The following AOPEP variants were observed in gnomAD, a reference collection of about 807,000 sequenced individuals.
AOPEP encodes the protein aminopeptidase O (putative).
Under a neutral mutation model 98.1 loss-of-function variants are expected in AOPEP, and 77 were observed. The observed-to-expected ratio is 0.78, with a 90% CI of 0.65 to 0.95. The LOEUF (loss-of-function observed/expected upper bound fraction) is 0.95. Ranked by LOEUF, AOPEP falls within the 40% of genes least tolerant of loss-of-function variation. The probability of loss-of-function intolerance (pLI) is 0.00; values close to 1 mark genes in which losing one functional copy is unlikely to be tolerated. For synonymous variants in AOPEP, 346 were observed against 365.3 expected, an observed-to-expected ratio of 0.95 and a Z score of 0.60; for missense variants, 1,024 against 1,024.7, an observed-to-expected ratio of 1.00 and a Z score of 0.01.
intron 5 of AOPEP, among the ~76,000 whole-genome samples, chr9:94,862,234 G>C (rs191350458): frequency 6.6e-6 from 1 of 152,156 alleles, no homozygotes; most frequent in Admixed American, 6.5e-5. Context: ...AAGTCACTGG[G>C]CTGGCTGAGC....
intron 13 of AOPEP, among the ~76,000 whole-genome samples, chr9:95,049,730 A>G (rs557874001): frequency 3.3e-5 from 5 of 152,220 alleles, no homozygotes; most frequent in Admixed American, 2.0e-4. Flanking sequence ...GAAGTCTTGC[A>G]TACATTTGAG....
At chr9:94,929,151 C>T (rs2054865496) in intron 7 of AOPEP, among the ~76,000 whole-genome samples, 1 of 152,176 alleles carries the variant, frequency 6.6e-6, no homozygotes, top group African/African-American at 2.4e-5. Flanking sequence ...TACCTAGGCT[C>T]CGGGAGCACT....
chr9:95,064,684 G>A (rs2067691864), intron 14 of AOPEP, among the ~76,000 whole-genome samples: 3 of 152,182 alleles, frequency 2.0e-5, no homozygotes, highest in African/African-American at 7.2e-5. Context: ...CTAATACATT[G>A]TTTACTTGGG....
At chr9:94,937,513 A>T (rs1462735087) in intron 7 of AOPEP, among the ~76,000 whole-genome samples, 2 of 152,202 alleles carry the variant, frequency 1.3e-5, no homozygotes, top group African/African-American at 4.8e-5. Context: ...TCATATTCTG[A>T]GGTACAGGGG....
intron 5 of AOPEP, among the ~76,000 whole-genome samples, chr9:94,869,399 G>A (rs2046073542): frequency 2.0e-5 from 3 of 152,142 alleles, no homozygotes; most frequent in Admixed American, 2.0e-4. Flanking sequence ...CCTATTTCTA[G>A]CTTGGGTGGG....
intron 1 of AOPEP, among the ~76,000 whole-genome samples, chr9:94,747,123 T>C (rs1834687075): frequency 6.6e-6 from 1 of 152,066 alleles, no homozygotes; most frequent in Non-Finnish European, 1.5e-5. Flanking sequence ...CACTCTTACG[T>C]GCTTCCTGAA....
intron 6 of AOPEP, 90 bp from the exon 7 acceptor site, chr9:94,928,335 C>T: frequency 2.3e-6 from 2 of 886,094 alleles, no homozygotes; most frequent in South Asian, 3.2e-5. Context: ...GCTATCTTGT[C>T]CCCCATTGAA....
chr9:95,013,089 C>A (rs1352975778), intron 13 of AOPEP, among the ~76,000 whole-genome samples: 2 of 150,946 alleles, frequency 1.3e-5, no homozygotes, highest in South Asian at 4.2e-4. Context: ...AATCATGTGT[C>A]CCTTGAGTTT....
intron 5 of AOPEP, among the ~76,000 whole-genome samples, chr9:94,834,441 A>G (rs1034623927): frequency 9.9e-5 from 15 of 152,222 alleles, no homozygotes; most frequent in African/African-American, 3.4e-4. Context: ...AGTGATATTA[A>G]GGAATTATTA....
intron 13 of AOPEP, among the ~76,000 whole-genome samples, chr9:95,014,288 G>T (rs1042415999): frequency 1.3e-5 from 2 of 152,010 alleles, no homozygotes; most frequent in Admixed American, 1.3e-4. Flanking sequence ...GCAACATAGC[G>T]AGATCCCATC....
At chr9:94,983,354 C>T (rs968538045) in intron 11 of AOPEP, among the ~76,000 whole-genome samples, 2 of 152,156 alleles carry the variant, frequency 1.3e-5, no homozygotes, top group Non-Finnish European at 2.9e-5. Flanking sequence ...CTTTGATTTC[C>T]TCCCTAAATT....
At chr9:95,011,992 A>G (rs190394046) in intron 13 of AOPEP, among the ~76,000 whole-genome samples, 43 of 152,310 alleles carry the variant, frequency 2.8e-4, no homozygotes, top group Admixed American at 4.6e-4. Context: ...TCATATCATA[A>G]TAGCTAACAT....
intron 2 of AOPEP, among the ~76,000 whole-genome samples, chr9:94,769,678 A>G (rs1045314576): frequency 2.0e-5 from 3 of 152,228 alleles, no homozygotes; most frequent in African/African-American, 7.2e-5. Context: ...TTTAGCAGAA[A>G]AGATAACCCA....
chr9:94,875,950 C>T lies in AOPEP; in HGVS notation c.1365-48036C>T, dbSNP rs184121252. On this transcript the variant is annotated intron_variant, in intron 5 of 16. Transcript: ENST00000375315. ...ATAGCTGCATACAAAACATTTAAGA[C>T]GTGAGAAGACACAAGGCACCAGAGT... Among the ~76,000 whole-genome samples, 8 of 152,240 alleles carry T rather than the reference C, an allele frequency of 5.3e-5. No individual in the cohort carries two copies. In the East Asian group the frequency reaches 1.5e-3, roughly 29 times the overall value.
At chr9:94,949,379 C>T (rs144062540) in intron 7 of AOPEP, among the ~76,000 whole-genome samples, 4 of 152,284 alleles carry the variant, frequency 2.6e-5, no homozygotes, top group Admixed American at 2.6e-4. Flanking sequence ...CTTTAGCAGC[C>T]GACCCGGGAC....
In AOPEP at chr9:94,760,538, C is replaced by T; in HGVS notation, c.755C>T (p.Pro252Leu). The change falls in exon 2 of 17, where the codon CCT (proline) becomes CTT (leucine). Residue 252 changes from proline (P) to leucine (L), a missense_variant. Pro to Leu is a moderately conservative substitution (Grantham distance 98). Transcript: ENST00000375315. ...ATCAGGATATGGTACAAAACTAAAC[C>T]TGAAGGGCGATCGGTTACATGGACC... ...HAIRIWYKTK[P>L]EGRSVTWTSD... 2 of 1,570,246 alleles carry T rather than the reference C, an allele frequency of 1.3e-6. No homozygotes were observed. Among genetic ancestry groups the T allele is most frequent in the Non-Finnish European group, 1.7e-6 (2 of 1,161,978 alleles).
intron 9 of AOPEP, 40 bp from the exon 10 acceptor site, chr9:94,967,718 T>C (rs752438449): frequency 8.3e-6 from 13 of 1,568,318 alleles, no homozygotes; most frequent in Admixed American, 3.3e-5. Context: ...GAGTTATTTA[T>C]TGATGGACAT....
chr9:94,989,490 C>G (rs1412759114), intron 11 of AOPEP, among the ~76,000 whole-genome samples: 2 of 152,056 alleles, frequency 1.3e-5, no homozygotes, highest in Non-Finnish European at 2.9e-5. Flanking sequence ...CTTCCTTGGC[C>G]TCCCAAGGTG....
chr9:95,122,311 G>A, the AOPEP span, among the ~76,000 whole-genome samples: 1 of 152,132 alleles, frequency 6.6e-6, no homozygotes, highest in East Asian at 1.9e-4. Flanking sequence ...AGAGGGTCAC[G>A]CATCTACCAA....
Sources: allele counts gnomAD v4.1 joint callset (sites outside exome capture counted in the v4.1 genomes callset), GRCh38; gene constraint gnomAD v4.1.1; transcripts MANE v1.5; gene names NCBI Gene and HGNC (gene_info 2026-07-23, HGNC 2026-07-21).